RANBP2: variants seen among roughly 807,000 people sequenced by gnomAD.
The protein encoded by RANBP2 is E3 SUMO-protein ligase RanBP2.
RANBP2 carries 57 observed loss-of-function variants against 303.6 expected under a neutral mutation model. That is an observed-to-expected ratio of 0.19 (90% confidence interval 0.15 to 0.23). The LOEUF (loss-of-function observed/expected upper bound fraction) is 0.23, where lower values mean the gene tolerates loss of function less well. Ranked by LOEUF, RANBP2 falls within the 10% of genes least tolerant of loss-of-function variation. The pLI is 1.00. For missense variants in RANBP2, 3,138 were observed against 3,780.8 expected (o/e 0.83, Z 4.46); for synonymous variants, 1,167 against 1,301.5 (o/e 0.90, Z 2.23).
chr2:108,729,202 A>G lies in RANBP2; in HGVS notation c.140+3A>G, dbSNP rs766909917. The G allele has an allele frequency of 6.4e-7, 1 of 1,568,428 alleles. No individual in the cohort carries two copies. Among genetic ancestry groups the G allele is most frequent in the Non-Finnish European group, 8.6e-7 (1 of 1,158,720 alleles). ...AAAGAATATGATCTTGCTAAAAAGT[A>G]AGTACAAACTGTAACATGTATTTTT... On this transcript the variant is annotated splice_donor_region_variant and intron_variant, in intron 2 of 28. Transcript: ENST00000283195.
chr2:109,651,493 A>G, the RANBP2 span, among the ~76,000 whole-genome samples: 3 of 152,236 alleles, frequency 2.0e-5, no homozygotes, highest in African/African-American at 7.2e-5. Flanking sequence ...AGGTCTACAT[A>G]ATATGTTGGC....
the RANBP2 span, chr2:109,616,055 T>C: frequency 6.6e-7 from 1 of 1,506,514 alleles, no homozygotes; most frequent in Admixed American, 2.3e-5. Context: ...CAAAGTCCAA[T>C]GTATTTGGGT....
At chr2:109,588,690 C>T in the RANBP2 span, among the ~76,000 whole-genome samples, 4 of 150,110 alleles carry the variant, frequency 2.7e-5, no homozygotes, top group African/African-American at 7.3e-5. Context: ...GGGGTTTCAC[C>T]GTGTTGGCCA....
chr2:108,880,289 A>G, the RANBP2 span, among the ~76,000 whole-genome samples: 2 of 152,114 alleles, frequency 1.3e-5, no homozygotes, highest in Non-Finnish European at 2.9e-5. Flanking sequence ...ACAGTACTGT[A>G]GATTCCATGT....
At chr2:109,419,949 G>A in the RANBP2 span, among the ~76,000 whole-genome samples, 3 of 152,218 alleles carry the variant, frequency 2.0e-5, no homozygotes, top group African/African-American at 7.2e-5. Context: ...TCCATAGCAT[G>A]GAAGGTCCGA....
chr2:108,807,879 G>C, the RANBP2 span, among the ~76,000 whole-genome samples: 4 of 152,194 alleles, frequency 2.6e-5, no homozygotes, highest in Non-Finnish European at 4.4e-5. Context: ...GAAGTGCTCG[G>C]ATTACAGGCC....
the RANBP2 span, among the ~76,000 whole-genome samples, chr2:109,086,067 G>A: frequency 1.3e-4 from 20 of 152,278 alleles, no homozygotes; most frequent in Admixed American, 2.6e-4. Flanking sequence ...AAAGCATAAC[G>A]TCCTCAAGTT....
At chr2:109,005,835 T>C in the RANBP2 span, among the ~76,000 whole-genome samples, 6 of 152,180 alleles carry the variant, frequency 3.9e-5, no homozygotes, top group Non-Finnish European at 7.3e-5. Context: ...TGTAACCACT[T>C]CACATTTCAA....
At chr2:109,252,521 G>C in the RANBP2 span, among the ~76,000 whole-genome samples, 1 of 152,062 alleles carries the variant, frequency 6.6e-6, no homozygotes, top group Non-Finnish European at 1.5e-5. Flanking sequence ...GAGTTTCTTG[G>C]GATGTGGGAC....
chr2:109,477,975 G>A, the RANBP2 span, among the ~76,000 whole-genome samples: 2 of 152,178 alleles, frequency 1.3e-5, no homozygotes, highest in Admixed American at 6.5e-5. Flanking sequence ...GTTCCCGCAA[G>A]GGCCTCCTCC....
the RANBP2 span, chr2:109,347,774 G>T: frequency 1.2e-6 from 2 of 1,613,962 alleles, no homozygotes; most frequent in Non-Finnish European, 8.5e-7. Context: ...GTCCTGCGGC[G>T]CAAGGTGGAT....
At chr2:108,929,326 CG>C in the RANBP2 span, 2 of 1,614,126 alleles carry the variant, frequency 1.2e-6, no homozygotes, top group Non-Finnish European at 1.7e-6. Flanking sequence ...AAAACTTCTC[CG>C]CCGGGCAGGG....
the RANBP2 span, among the ~76,000 whole-genome samples, chr2:109,102,865 A>G: frequency 3.3e-5 from 5 of 152,202 alleles, no homozygotes; most frequent in African/African-American, 1.2e-4. Context: ...GTATTGCTGT[A>G]AATTATTTAA....
chr2:109,294,418 G>A, the RANBP2 span, among the ~76,000 whole-genome samples: 22 of 151,824 alleles, frequency 1.4e-4, no homozygotes, highest in Non-Finnish European at 2.6e-4. Context: ...AAAATTAGCC[G>A]GGCATGGTGG....
At chr2:109,207,538 G>A in the RANBP2 span, among the ~76,000 whole-genome samples, 2 of 152,158 alleles carry the variant, frequency 1.3e-5, no homozygotes, top group South Asian at 4.1e-4. Context: ...TGGTAAAACA[G>A]TGTTTCTCTT....
the RANBP2 span, among the ~76,000 whole-genome samples, chr2:109,174,303 G>A: frequency 1.1e-4 from 17 of 152,252 alleles, no homozygotes; most frequent in African/African-American, 3.9e-4. Context: ...TTGGCAAGAG[G>A]GGAGAGGAAC....
the RANBP2 span, among the ~76,000 whole-genome samples, chr2:109,482,333 G>C: frequency 6.6e-6 from 1 of 152,144 alleles, no homozygotes; most frequent in Non-Finnish European, 1.5e-5. Flanking sequence ...TTACACATGA[G>C]GGAAGTGGGG....
At chr2:109,717,272 C>CA in the RANBP2 span, among the ~76,000 whole-genome samples, 58,006 of 124,016 alleles carry the variant, frequency 0.47, 14,285 homozygotes, top group East Asian at 0.61. Context: ...AAAAACAAAC[C>CA]AAAAAAAAAA....
the RANBP2 span, among the ~76,000 whole-genome samples, chr2:109,158,557 T>A: frequency 6.6e-6 from 1 of 152,172 alleles, no homozygotes; most frequent in African/African-American, 2.4e-5. Flanking sequence ...CTCAGGGCTG[T>A]CTGACTTGCA....
Sources: gnomAD v4.1 joint callset for allele counts (sites outside exome capture counted in the v4.1 genomes callset) on GRCh38, gnomAD v4.1.1 for gene constraint, MANE v1.5 for transcripts, NCBI Gene and HGNC (gene_info 2026-07-23, HGNC 2026-07-21) for gene names.